Variants in RUSC1 observed in about 807,000 individuals in gnomAD.
RUSC1 encodes the protein AP-4 complex accessory subunit RUSC1.
Under a neutral mutation model 72.1 loss-of-function variants are expected in RUSC1, and 40 were observed. The ratio of observed to expected loss-of-function variants is 0.55; its 90% CI spans 0.43 to 0.72. The LOEUF is 0.72. Ranked by LOEUF, RUSC1 falls within the 30% of genes least tolerant of loss-of-function variation. The pLI, the probability that RUSC1 is intolerant of heterozygous loss-of-function variation, is 0.00. For missense variants in RUSC1, 1,092 were observed against 1,172.3 expected, an observed-to-expected ratio of 0.93 and a Z score of 1.00; for synonymous variants, 512 against 494.2, an observed-to-expected ratio of 1.04 and a Z score of -0.48.
rs769176107 is a variant in RUSC1 at position 155,328,273 on chromosome 1, T to C, written c.2538T>C (p.His846=). The C allele has an allele frequency of 3.7e-6, 6 of 1,609,080 alleles. No homozygotes were observed. Among genetic ancestry groups the C allele is most frequent in the Non-Finnish European group, 5.1e-6 (6 of 1,177,464 alleles). ...CAGCACCCAGGATGGTGCAAACCCA[T>C]AGGTAAGGAGGATTGGGGAGAATGC... ...EASAPRMVQT[H]RAVRALCDHT... Residue 846 remains histidine, a splice_region_variant and synonymous_variant, in exon 9 of 10, where the codon CAT becomes CAC. Transcript: ENST00000368352.
chr1:155,322,148 C>G lies in RUSC1; in HGVS notation c.375C>G (p.Asp125Glu). 1 of 1,602,378 alleles carries G rather than the reference C, an allele frequency of 6.2e-7. No homozygotes were observed. Among genetic ancestry groups the G allele is most frequent in the Non-Finnish European group, 8.5e-7 (1 of 1,172,684 alleles). The change falls in exon 2 of 10, where the codon GAC becomes GAG. Residue 125 changes from aspartate to glutamate, a missense_variant. Physicochemically the swap from Asp to Glu is conservative, Grantham distance 45. Transcript: ENST00000368352. ...DESPVSVYLRDLPGDEDAHPQ... is the reference protein window; with the variant it reads ...DESPVSVYLRELPGDEDAHPQ... ...CCCCTGTCTCAGTCTACTTGCGGGACCTCCCTGGTGATGAGGATGCCCACC... is the reference window on the plus strand; with the variant it reads ...CCCCTGTCTCAGTCTACTTGCGGGAGCTCCCTGGTGATGAGGATGCCCACC...
chr1:155,321,605 T>C (rs1006812644), intron 1 of RUSC1, 83 bp from the exon 2 acceptor site: 1 of 1,248,942 alleles, frequency 8.0e-7, no homozygotes, highest in Non-Finnish European at 1.1e-6. Flanking sequence ...CCTTCAGGCC[T>C]GCTGCTGCCG....
At chr1:155,327,583 G>C (rs1391906068) in intron 8 of RUSC1, among the ~76,000 whole-genome samples, 1 of 152,122 alleles carries the variant, frequency 6.6e-6, no homozygotes, top group African/African-American at 2.4e-5. Flanking sequence ...TGGTCGTTTA[G>C]AAAAATGAAA....
chr1:155,326,984 G>A lies in RUSC1; in HGVS notation c.2266G>A (p.Gly756Arg). The A allele has an allele frequency of 6.2e-7, 1 of 1,613,672 alleles. No individual in the cohort carries two copies. Among genetic ancestry groups the A allele is most frequent in the Non-Finnish European group, 8.5e-7 (1 of 1,180,040 alleles). ...CTTTCCTCTTTCCCGATGGGCACCGGGGCGTCATGGGACTGCAGCTGAAGA... is the reference window on the plus strand; with the variant it reads ...CTTTCCTCTTTCCCGATGGGCACCGAGGCGTCATGGGACTGCAGCTGAAGA... ...EGFPLSRWAPGRHGTAAEEGA... is the reference protein window; with the variant it reads ...EGFPLSRWAPRRHGTAAEEGA... Residue 756 changes from glycine (G) to arginine (R), a missense_variant, in exon 8 of 10, where the codon GGG becomes AGG. Gly to Arg is a moderately radical substitution (Grantham distance 125). Coordinates refer to ENST00000368352, the MANE Select transcript of RUSC1 (RefSeq NM_001105203.2). The surrounding 1 kb of genome is among the most constrained non-coding windows in gnomAD (Gnocchi z 4.7).
At position 155,325,485 on chromosome 1, in the gene RUSC1, A is replaced by G. The variant is rs1651261093; in HGVS notation, c.1703A>G (p.Lys568Arg). Residue 568 changes from lysine (K) to arginine (R), a missense_variant, in exon 5 of 10, where the codon AAG (lysine) becomes AGG (arginine). Coordinates refer to ENST00000368352, the MANE Select transcript of RUSC1 (RefSeq NM_001105203.2). This position sits in a 1 kb window ranked among gnomAD's most constrained non-coding sequence, Gnocchi z 6.5. ...SPWSVVEASV[K>R]PGSSTRSLGT... ...TGGAGCGTGGTGGAGGCGTCGGTGAAGCCAGGTGAGCCAGGAGGGCGTGGG... is the reference window on the plus strand; with the variant it reads ...TGGAGCGTGGTGGAGGCGTCGGTGAGGCCAGGTGAGCCAGGAGGGCGTGGG... 1.3e-6 allele frequency: 2 copies of G among 1,595,564 alleles called. No individual in the cohort carries two copies. Among genetic ancestry groups the G allele is most frequent in the Middle Eastern group, 3.3e-4 (2 of 6,024 alleles).
Position 155,322,089 on chromosome 1 carries a change from C to A in RUSC1, c.316C>A (p.Leu106Ile). 6.2e-7 allele frequency: 1 copy of A among 1,613,820 alleles called. No individual in the cohort carries two copies. Among genetic ancestry groups the A allele is most frequent in the Non-Finnish European group, 8.5e-7 (1 of 1,179,794 alleles). Residue 106 changes from leucine (L) to isoleucine (I), a missense_variant, in exon 2 of 10, where the codon CTC becomes ATC. Coordinates refer to ENST00000368352, the MANE Select transcript of RUSC1 (RefSeq NM_001105203.2). Reference protein sequence around the residue: ...SPSDPGCSSSLSSCSDLSPDE... With the variant: ...SPSDPGCSSSISSCSDLSPDE... Reference sequence around the variant, plus strand: ...CTCAGACCCAGGCTGCTCCTCCTCACTCAGCTCCTGCTCAGATCTTAGCCC... The same window carrying A: ...CTCAGACCCAGGCTGCTCCTCCTCAATCAGCTCCTGCTCAGATCTTAGCCC...
At position 155,322,281 on chromosome 1, in the gene RUSC1, GCTT is replaced by G. The variant is rs778143894; in HGVS notation, c.516_518del (p.Ser173del). 248 of 1,611,742 alleles carry G rather than the reference GCTT, an allele frequency of 1.5e-4. No individual in the cohort carries two copies. The highest frequency in any genetic ancestry group is 1.9e-4 in the Non-Finnish European group (222 of 1,178,410). On this transcript the variant is annotated inframe_deletion, in exon 2 of 10. Coordinates refer to ENST00000368352, the MANE Select transcript of RUSC1 (RefSeq NM_001105203.2). Reference sequence around the variant, plus strand: ...CTGCTCTCCTGATTCCTGCTCCGGAGCTTCTTCTTCACCCGATCCTGGCCTGGA... The same window carrying G: ...CTGCTCTCCTGATTCCTGCTCCGGAGCTTCTTCACCCGATCCTGGCCTGGA...
Position 155,324,929 on chromosome 1 carries a change from A to G in RUSC1, c.1442A>G (p.Gln481Arg). 7 of 1,614,202 alleles carry G rather than the reference A, an allele frequency of 4.3e-6. No homozygotes were observed. Among genetic ancestry groups the G allele is most frequent in the Non-Finnish European group, 5.9e-6 (7 of 1,180,032 alleles). Reference sequence around the variant, plus strand: ...GCCCAGAGTGGGACTGGTCAGCTGCAGGAGCAGAAGAAAGGTAGGGCACCC... The same window carrying G: ...GCCCAGAGTGGGACTGGTCAGCTGCGGGAGCAGAAGAAAGGTAGGGCACCC... ...AEAQSGTGQL[Q>R]EQKKGLLIAV... Residue 481 changes from glutamine to arginine, a missense_variant, in exon 3 of 10, where the codon CAG becomes CGG. By Grantham distance (43) the Gln-to-Arg change is conservative. Transcript: ENST00000368352.
chr1:155,327,355 C>T (rs895824997), intron 8 of RUSC1, among the ~76,000 whole-genome samples: 2 of 152,082 alleles, frequency 1.3e-5, no homozygotes, highest in Non-Finnish European at 2.9e-5. Flanking sequence ...TAGTTATCCC[C>T]AGGTACATGT....
In RUSC1 at chr1:155,326,778, C is replaced by G. The variant is rs780587363; in HGVS notation, c.2060C>G (p.Ala687Gly). 5.0e-6 allele frequency: 8 copies of G among 1,613,110 alleles called. No individual in the cohort carries two copies. In the Admixed American group the frequency reaches 1.3e-4, roughly 27 times the overall value. The change falls in exon 8 of 10, where the codon GCT becomes GGT. Residue 687 changes from alanine to glycine, a missense_variant. Ala to Gly is a moderately conservative substitution (Grantham distance 60). Coordinates refer to ENST00000368352, the MANE Select transcript of RUSC1 (RefSeq NM_001105203.2). The surrounding 1 kb of genome is among the most constrained non-coding windows in gnomAD (Gnocchi z 4.7). The part of the protein sequence containing the change: ...QAPAPPGPPP[A>G]LQQTMQAMLH... ...CCTGCCCCTCCAGGCCCACCTCCAG[C>G]TCTGCAGCAGACTATGCAAGCCATG...
rs1651849246 is a variant in RUSC1, at chr1:155,330,014, T to A, written c.2541-389T>A. Among the ~76,000 whole-genome samples the A allele has an allele frequency of 3.6e-5, 5 of 140,606 alleles. No individual in the cohort carries two copies. In the South Asian group the frequency reaches 1.1e-3, roughly 32 times the overall value. The allele number at this position is 140,606 out of a possible 152,430, so 92.2% of individuals were successfully genotyped here. On this transcript the variant is annotated intron_variant, in intron 9 of 9. Coordinates refer to ENST00000368352, the MANE Select transcript of RUSC1 (RefSeq NM_001105203.2). ...GTAGGAGATCCAAACACCAAACAGG[T>A]TTTGGTGATGGATTGGATGTATGGA...
intron 2 of RUSC1, chr1:155,323,434 T>G: frequency 3.5e-6 from 1 of 283,346 alleles, no homozygotes; most frequent in Non-Finnish European, 6.5e-6. Flanking sequence ...GCCCCTGGTT[T>G]TCCGGTTCTC....
At chr1:155,324,635 G>A (rs1651076599) in intron 2 of RUSC1, 2 of 1,521,338 alleles carry the variant, frequency 1.3e-6, no homozygotes, top group South Asian at 2.4e-5. Context: ...GGATGGGGCT[G>A]GGGGACAGCG....
chr1:155,322,145 G>A lies in RUSC1; in HGVS notation c.372G>A (p.Arg124=), dbSNP rs774810597. ...PDESPVSVYL[R]DLPGDEDAHP... is the part of the protein sequence containing the mutation. ...AGTCCCCTGTCTCAGTCTACTTGCGGGACCTCCCTGGTGATGAGGATGCCC... is the reference window on the plus strand; with the variant it reads ...AGTCCCCTGTCTCAGTCTACTTGCGAGACCTCCCTGGTGATGAGGATGCCC... The change falls in exon 2 of 10, where the codon CGG becomes CGA. Residue 124 remains arginine (R), a synonymous_variant. Transcript: ENST00000368352. The A allele has an allele frequency of 6.2e-7, 1 of 1,602,600 alleles. No individual in the cohort carries two copies. The highest frequency in any genetic ancestry group is 1.7e-5 in the Admixed American group (1 of 59,064).
chr1:155,324,701 C>A, intron 2 of RUSC1, 144 bp from the exon 3 acceptor site: 1 of 1,555,632 alleles, frequency 6.4e-7, no homozygotes, highest in South Asian at 1.2e-5. Flanking sequence ...CTACCCCGTG[C>A]TTCAGGCGGT....
rs1308310497 is a variant in RUSC1 at position 155,326,543 on chromosome 1, C to T, written c.1862-37C>T. 2.5e-6 allele frequency: 4 copies of T among 1,568,746 alleles called. No individual in the cohort carries two copies. The highest frequency in any genetic ancestry group is 1.2e-5 in the South Asian group (1 of 82,948). On this transcript the variant is annotated intron_variant, in intron 7 of 9. Coordinates refer to ENST00000368352, the MANE Select transcript of RUSC1 (RefSeq NM_001105203.2). The surrounding 1 kb of genome is among the most constrained non-coding windows in gnomAD (Gnocchi z 4.7). ...TCTGGGGGGTCTTCTGGGACTAGGT[C>T]CAGGGCAGGAGCTGATGTTGGCCTG...
rs760638528 is a variant in RUSC1 at position 155,322,637 on chromosome 1, G to C, written c.864G>C (p.Ser288=). The C allele has an allele frequency of 1.9e-6, 3 of 1,614,250 alleles. No individual in the cohort carries two copies. The highest frequency in any genetic ancestry group is 1.7e-5 in the Admixed American group (1 of 60,036). The change falls in exon 2 of 10, where the codon TCG becomes TCC. Residue 288 remains serine (S), a synonymous_variant. Transcript: ENST00000368352. ...ACACAAGAATAACTGATTCTGGCTC[G>C]AAAACAGATGCAGGGAAAATTGATG... is the stretch of plus-strand genomic sequence containing the variant. The part of the protein sequence containing the change: ...KTNTRITDSG[S]KTDAGKIDGG...
rs1222766076 is a variant in RUSC1 at position 155,326,449 on chromosome 1, C to A, written c.1862-131C>A. On this transcript the variant is annotated intron_variant, in intron 7 of 9. Transcript: ENST00000368352. This position sits in a 1 kb window ranked among gnomAD's most constrained non-coding sequence, Gnocchi z 4.7. ...TGTCAGTCCTATAGCCCACCACATC[C>A]TTCCTCCTCTCTGCCCCAGTGCCCA... 2.2e-6 allele frequency: 2 copies of A among 927,966 alleles called. No individual in the cohort carries two copies. Among genetic ancestry groups the A allele is most frequent in the African/African-American group, 1.7e-5 (1 of 59,916 alleles). 57.5% of individuals were successfully genotyped at this position (927,966 alleles called of 1,614,324 possible).
At position 155,329,664 on chromosome 1, in the gene RUSC1, T is replaced by C. The variant is rs995199894; in HGVS notation, c.2541-739T>C. Among the ~76,000 whole-genome samples the C allele has an allele frequency of 2.4e-4, 37 of 151,976 alleles. 1 individual carries two copies. The highest frequency in any genetic ancestry group is 2.2e-3 in the Admixed American group (33 of 15,258). The stretch of plus-strand genomic sequence containing the variant: ...ACCTCAGCCTCCCAAAGTGCTGGGA[T>C]TACAGGCGTGAGCCACCACGCCTGG... On this transcript the variant is annotated intron_variant, in intron 9 of 9. Transcript: ENST00000368352.
Sources: gnomAD v4.1 joint callset for allele counts (sites outside exome capture counted in the v4.1 genomes callset) on GRCh38, gnomAD v4.1.1 for gene constraint, Gnocchi (gnomAD v3.1) non-coding constraint, MANE v1.5 for transcripts, NCBI Gene and HGNC (gene_info 2026-07-23, HGNC 2026-07-21) for gene names.